Variants in THSD7B observed in about 807,000 individuals in gnomAD.
The protein encoded by THSD7B is thrombospondin type 1 domain containing 7B.
Under a neutral mutation model 213.6 loss-of-function variants are expected in THSD7B, and 138 were observed. The ratio of observed to expected loss-of-function variants is 0.65; its 90% confidence interval spans 0.56 to 0.74. THSD7B has a LOEUF of 0.74. THSD7B is among the 30% of genes least tolerant of loss of function. The pLI, the probability that THSD7B is intolerant of heterozygous loss-of-function variation, is 0.00. For synonymous variants in THSD7B, 742 were observed against 687.0 expected, an observed-to-expected ratio of 1.08 and a Z score of -1.25; for missense variants, 1,931 against 1,991.5, an observed-to-expected ratio of 0.97 and a Z score of 0.58.
intron 2 of THSD7B, among the ~76,000 whole-genome samples, chr2:136,941,477 G>A (rs570391203): frequency 1.3e-5 from 2 of 152,306 alleles, no homozygotes; most frequent in African/African-American, 4.8e-5. Context: ...CAGCAACAGT[G>A]TAAAAGCATT....
At chr2:136,872,583 TTTTC>T (rs151335324) in intron 1 of THSD7B, among the ~76,000 whole-genome samples, 15,179 of 150,834 alleles carry the variant, frequency 0.1, 1,144 homozygotes, top group Middle Eastern at 0.22. Context: ...TTCTCTTTCT[TTTTC>T]TTTCTTTCTT....
chr2:137,584,483 A>G (rs1406825526), intron 17 of THSD7B, among the ~76,000 whole-genome samples: 1 of 152,174 alleles, frequency 6.6e-6, no homozygotes, highest in Non-Finnish European at 1.5e-5. Flanking sequence ...TGTCATAAAT[A>G]GTTCTTATTA....
chr2:136,820,606 A>G (rs1682551599), intron 1 of THSD7B, among the ~76,000 whole-genome samples: 1 of 152,232 alleles, frequency 6.6e-6, no homozygotes, highest in Non-Finnish European at 1.5e-5. Flanking sequence ...GACAGTAAAC[A>G]AATGAAATGT....
intron 2 of THSD7B, among the ~76,000 whole-genome samples, chr2:136,920,507 G>T (rs1335273889): frequency 1.3e-5 from 2 of 152,202 alleles, no homozygotes; most frequent in African/African-American, 4.8e-5. Context: ...GGTGCTGATT[G>T]GTCCATGGGT....
intron 16 of THSD7B, among the ~76,000 whole-genome samples, chr2:137,571,908 G>T (rs1005778659): frequency 6.6e-6 from 1 of 152,022 alleles, no homozygotes; most frequent in African/African-American, 2.4e-5. Flanking sequence ...ACTTTGCCAT[G>T]ACTTTAAAAA....
chr2:136,871,343 G>A (rs1432208115), intron 1 of THSD7B, among the ~76,000 whole-genome samples: 1 of 152,176 alleles, frequency 6.6e-6, no homozygotes, highest in Non-Finnish European at 1.5e-5. Flanking sequence ...CCTGGAGAGT[G>A]AGCAAAGCTA....
intron 15 of THSD7B, among the ~76,000 whole-genome samples, chr2:137,526,976 T>A (rs750436735): frequency 4.6e-5 from 7 of 151,962 alleles, no homozygotes; most frequent in Non-Finnish European, 1.0e-4. Context: ...AACAAACCAC[T>A]GAGGAGATAA....
intron 15 of THSD7B, among the ~76,000 whole-genome samples, chr2:137,561,674 C>T (rs1389267741): frequency 1.3e-5 from 2 of 152,090 alleles, no homozygotes; most frequent in African/African-American, 4.8e-5. Context: ...GGGGTCCTAT[C>T]TCTTCATTTT....
intron 2 of THSD7B, among the ~76,000 whole-genome samples, chr2:136,995,432 T>C (rs538182388): frequency 6.6e-6 from 1 of 152,300 alleles, no homozygotes; most frequent in African/African-American, 2.4e-5. Context: ...AAGCTCTTCT[T>C]CCTGACTATA....
intron 1 of THSD7B, among the ~76,000 whole-genome samples, chr2:136,847,078 T>A (rs558983594): frequency 1.2e-3 from 176 of 152,284 alleles, no homozygotes; most frequent in African/African-American, 4.1e-3. Context: ...GGAATGAAGA[T>A]GCCTTGTGAA....
intron 5 of THSD7B, among the ~76,000 whole-genome samples, chr2:137,129,056 T>C (rs2104951053): frequency 6.6e-6 from 1 of 152,286 alleles, no homozygotes; most frequent in Non-Finnish European, 1.5e-5. Context: ...CGTGGCTTTT[T>C]TTCATGACCC....
At chr2:136,848,940 T>C (rs1368553399) in intron 1 of THSD7B, among the ~76,000 whole-genome samples, 1 of 152,180 alleles carries the variant, frequency 6.6e-6, no homozygotes, top group Admixed American at 6.6e-5. Context: ...GTTTATTGAA[T>C]GTCTTTTTGA....
chr2:137,197,532 T>C (rs942388423), intron 7 of THSD7B, among the ~76,000 whole-genome samples: 1 of 152,060 alleles, frequency 6.6e-6, no homozygotes, highest in African/African-American at 2.4e-5. Flanking sequence ...GAAATAAAGA[T>C]ACCATACTTT....
intron 2 of THSD7B, among the ~76,000 whole-genome samples, chr2:136,917,283 T>C (rs1225261140): frequency 6.6e-6 from 1 of 152,204 alleles, no homozygotes; most frequent in Non-Finnish European, 1.5e-5. Flanking sequence ...TAGTTCCTGT[T>C]AGTAAATGGA....
At chr2:137,291,934 T>C (rs1045927009) in intron 12 of THSD7B, among the ~76,000 whole-genome samples, 1 of 152,086 alleles carries the variant, frequency 6.6e-6, no homozygotes, top group Non-Finnish European at 1.5e-5. Flanking sequence ...TTTAGAGTAG[T>C]GCTTTTCAAT....
intron 12 of THSD7B, among the ~76,000 whole-genome samples, chr2:137,338,741 A>G (rs1164946198): frequency 1.3e-5 from 2 of 152,136 alleles, no homozygotes; most frequent in Non-Finnish European, 2.9e-5. Context: ...ATAGGGAAGA[A>G]GGTTTTGAAT....
chr2:137,400,214 C>T (rs1388421269), intron 12 of THSD7B, among the ~76,000 whole-genome samples: 2 of 151,996 alleles, frequency 1.3e-5, no homozygotes, highest in African/African-American at 4.8e-5. Flanking sequence ...GATTATCTGG[C>T]ATTTTGAGAA....
At chr2:137,618,226 C>T (rs536838339) in intron 18 of THSD7B, among the ~76,000 whole-genome samples, 166 bp from the exon 19 acceptor site, 11 of 152,036 alleles carry the variant, frequency 7.2e-5, no homozygotes, top group African/African-American at 2.7e-4. Context: ...GTTTTTTGTT[C>T]GTTTTGCAAT....
intron 1 of THSD7B, among the ~76,000 whole-genome samples, chr2:136,872,237 G>A (rs1463587049): frequency 6.6e-6 from 1 of 152,136 alleles, no homozygotes; most frequent in African/African-American, 2.4e-5. Flanking sequence ...GATGGTGTCT[G>A]AGCCTCAGGT....
Sources: allele counts gnomAD v4.1 joint callset (sites outside exome capture counted in the v4.1 genomes callset), GRCh38; gene constraint gnomAD v4.1.1; transcripts MANE v1.5; gene names NCBI Gene and HGNC (gene_info 2026-07-23, HGNC 2026-07-21).